Variants in CLEC6A observed in about 807,000 individuals in gnomAD.
CLEC6A encodes C-type lectin domain containing 6A.
Under a neutral mutation model 25.7 loss-of-function variants are expected in CLEC6A, and 22 were observed. That is an observed-to-expected ratio of 0.85 (90% CI 0.61 to 1.22). The LOEUF (loss-of-function observed/expected upper bound fraction) is 1.22, where lower values mean the gene tolerates loss of function less well. Among genes scored for constraint, CLEC6A ranks in the 50% most tolerant of loss-of-function variants. CLEC6A has a pLI of 0.00. For missense variants in CLEC6A, 240 were observed against 236.8 expected, an observed-to-expected ratio of 1.01 and a Z score of -0.09; for synonymous variants, 92 against 76.7, an observed-to-expected ratio of 1.20 and a Z score of -1.04.
intron 3 of CLEC6A, chr12:8,461,219 A>AC (rs1248554431): frequency 1.2e-6 from 1 of 806,368 alleles, no homozygotes; most frequent in East Asian, 2.5e-5. Flanking sequence ...CTCCAGCTCC[A>AC]CCGTTACCGC....
intron 2 of CLEC6A, among the ~76,000 whole-genome samples, chr12:8,459,367 C>T (rs1347486699): frequency 4.6e-5 from 7 of 151,926 alleles, no homozygotes; most frequent in Admixed American, 6.6e-5. Context: ...TGTCCAAGAG[C>T]ATGGAGCCTA....
intron 3 of CLEC6A, among the ~76,000 whole-genome samples, chr12:8,463,388 AATTAT>A (rs1410714130): frequency 3.3e-5 from 5 of 152,208 alleles, no homozygotes; most frequent in Admixed American, 3.3e-4. Context: ...TATCGAATGT[AATTAT>A]AATATTGTTG....
At chr12:8,476,060 C>A (rs1939969159) in intron 4 of CLEC6A, 65 bp from the exon 5 acceptor site, 21 of 1,017,736 alleles carry the variant, frequency 2.1e-5, no homozygotes, top group Admixed American at 2.3e-5. Flanking sequence ...AGGCTATAAG[C>A]AACCTTTACT....
Position 8,478,118 on chromosome 12 carries a change from G to A in CLEC6A, c.*654G>A, listed in dbSNP as rs902166872. ...TGAGAAATATGTGTTAAGATCTCTC[G>A]CTGATTGGGAATTTGTCTATTTCTC... On this transcript the variant is annotated 3_prime_UTR_variant, in exon 6 of 6. Transcript: ENST00000382073. 4.6e-5 allele frequency: 7 copies of A among 151,818 alleles called. No individual in the cohort carries two copies. The highest frequency in any genetic ancestry group is 3.2e-3 in the Middle Eastern group (1 of 316). 9.4% of individuals were successfully genotyped at this position (151,818 alleles called of 1,614,324 possible).
intron 3 of CLEC6A, chr12:8,461,229 C>T: frequency 1.4e-6 from 1 of 738,018 alleles, no homozygotes; most frequent in Non-Finnish European, 2.3e-6. Context: ...ACCGTTACCG[C>T]TAACATAAGT....
Position 8,473,152 on chromosome 12 carries a change from T to C in CLEC6A, c.370-2973T>C, listed in dbSNP as rs1260448010. Among the ~76,000 whole-genome samples, 2 of 37,022 alleles carry C rather than the reference T, an allele frequency of 5.4e-5. 1 individual carries two copies. The highest frequency in any genetic ancestry group is 1.4e-4 in the African/African-American group (2 of 14,030). 24.3% of individuals were successfully genotyped at this position (37,022 alleles called of 152,430 possible). On this transcript the variant is annotated intron_variant, in intron 4 of 5. Coordinates refer to ENST00000382073, the MANE Select transcript of CLEC6A (RefSeq NM_001007033.2). ...CTGGGACTACAGGCACGCGCCACCA[T>C]GCCCGGCTAATTTTTGTATTTTTAG...
At chr12:8,472,716 T>C (rs904401013) in intron 4 of CLEC6A, among the ~76,000 whole-genome samples, 1 of 152,182 alleles carries the variant, frequency 6.6e-6, no homozygotes, top group Non-Finnish European at 1.5e-5. Context: ...TTCTGCCATC[T>C]TACTGACATC....
At chr12:8,476,738 T>C (rs1271804949) in intron 5 of CLEC6A, among the ~76,000 whole-genome samples, 2 of 152,094 alleles carry the variant, frequency 1.3e-5, no homozygotes, top group African/African-American at 4.8e-5. Flanking sequence ...CTTATTATAA[T>C]TCCCATTTTT....
chr12:8,458,851 A>G (rs1340136830), intron 2 of CLEC6A, among the ~76,000 whole-genome samples: 3 of 152,220 alleles, frequency 2.0e-5, no homozygotes, highest in Non-Finnish European at 4.4e-5. Context: ...AGCTCTAGTT[A>G]TAGAAGGACA....
chr12:8,476,489 C>T (rs762092883), intron 5 of CLEC6A, among the ~76,000 whole-genome samples: 11 of 152,060 alleles, frequency 7.2e-5, no homozygotes, highest in Non-Finnish European at 1.5e-4. Flanking sequence ...GATGTCAACT[C>T]CATGTCTATC....
rs367649075 is a variant in CLEC6A, at chr12:8,469,982, C to G, written c.369+4353C>G. Among the ~76,000 whole-genome samples, 7 of 152,168 alleles carry G rather than the reference C, an allele frequency of 4.6e-5. No homozygotes were observed. The East Asian group carries it at 7.7e-4, about 17-fold the overall frequency. The stretch of plus-strand genomic sequence containing the variant: ...TTTGCACAGCAAAAGAAATAATCAG[C>G]AGAGTAAACAGACAACACACAAAGT... On this transcript the variant is annotated intron_variant, in intron 4 of 5. Coordinates refer to ENST00000382073, the MANE Select transcript of CLEC6A (RefSeq NM_001007033.2).
Position 8,477,412 on chromosome 12 carries a change from T to C in CLEC6A, c.578T>C (p.Ile193Thr). ...ACAGGATGGGGCTGGAATGATGTTA[T>C]CTGTGAAACTAGAAGGAATTCAATA... Reference protein sequence around the residue: ...KPTGWGWNDVICETRRNSICE... With the variant: ...KPTGWGWNDVTCETRRNSICE... The change falls in exon 6 of 6, where the codon ATC (isoleucine) becomes ACC (threonine). Residue 193 changes from isoleucine (I) to threonine (T), a missense_variant. By Grantham distance (89) the Ile-to-Thr change is moderately conservative. Transcript: ENST00000382073. 3 of 1,611,624 alleles carry C rather than the reference T, an allele frequency of 1.9e-6. No individual in the cohort carries two copies. The highest frequency in any genetic ancestry group is 2.5e-6 in the Non-Finnish European group (3 of 1,178,428).
At chr12:8,470,347 G>C (rs1331181711) in intron 4 of CLEC6A, among the ~76,000 whole-genome samples, 1 of 152,128 alleles carries the variant, frequency 6.6e-6, no homozygotes, top group Non-Finnish European at 1.5e-5. Context: ...ATGTAAACTA[G>C]TACAACCACT....
chr12:8,470,737 G>A (rs965150931), intron 4 of CLEC6A, among the ~76,000 whole-genome samples: 3 of 152,178 alleles, frequency 2.0e-5, no homozygotes, highest in Middle Eastern at 3.4e-3. Flanking sequence ...TGGACTTTGG[G>A]GAGTCAGGGG....
intron 4 of CLEC6A, among the ~76,000 whole-genome samples, chr12:8,474,605 A>G (rs760817177): frequency 3.9e-5 from 6 of 152,304 alleles, no homozygotes; most frequent in African/African-American, 1.4e-4. Flanking sequence ...GCTGAGAAGC[A>G]CTACTCCCCA....
Position 8,475,547 on chromosome 12 carries a change from T to C in CLEC6A, c.370-578T>C, listed in dbSNP as rs946291257. On this transcript the variant is annotated intron_variant, in intron 4 of 5. Transcript: ENST00000382073. ...AATCCAGGGGAACCAATGGTGTAAA[T>C]CTAGTCCAAGGCTAGTAAAAGATTG... Among the ~76,000 whole-genome samples the C allele has an allele frequency of 2.0e-5, 3 of 151,856 alleles. No individual in the cohort carries two copies. The East Asian group carries it at 5.8e-4, about 29-fold the overall frequency.
chr12:8,464,780 A>G (rs1333865149), intron 3 of CLEC6A, among the ~76,000 whole-genome samples: 1 of 152,258 alleles, frequency 6.6e-6, no homozygotes, highest in Non-Finnish European at 1.5e-5. Context: ...TAATCCTAGA[A>G]GAGTGGCAAA....
intron 1 of CLEC6A, 64 bp downstream of exon 1, chr12:8,456,206 G>A: frequency 6.6e-7 from 1 of 1,507,818 alleles, no homozygotes; most frequent in East Asian, 2.3e-5. Flanking sequence ...CACCTGGAGA[G>A]AAGAAGTAGC....
At chr12:8,463,693 C>T (rs919885625) in intron 3 of CLEC6A, among the ~76,000 whole-genome samples, 37 of 152,128 alleles carry the variant, frequency 2.4e-4, no homozygotes, top group African/African-American at 8.9e-4. Context: ...ATTTCTCAGT[C>T]AGTAGTTATT....
Sources: allele counts gnomAD v4.1 joint callset (sites outside exome capture counted in the v4.1 genomes callset), GRCh38; gene constraint gnomAD v4.1.1; transcripts MANE v1.5; gene names NCBI Gene and HGNC (gene_info 2026-07-23, HGNC 2026-07-21).